The following MTMR3 variants were observed in gnomAD, a reference collection of about 807,000 sequenced individuals.
The protein encoded by MTMR3 is phosphatidylinositol-3,5-bisphosphate 3-phosphatase MTMR3.
MTMR3 carries 32 observed loss-of-function variants against 132.4 expected under a neutral mutation model. That is an observed-to-expected ratio of 0.24 (90% CI 0.18 to 0.32). The LOEUF (loss-of-function observed/expected upper bound fraction) is 0.32, where lower values mean the gene tolerates loss of function less well. MTMR3 is among the 10% of genes least tolerant of loss of function. The pLI is 1.00. For missense variants in MTMR3, 1,216 were observed against 1,489.6 expected, an observed-to-expected ratio of 0.82 and a Z score of 3.02; for synonymous variants, 556 against 550.3, an observed-to-expected ratio of 1.01 and a Z score of -0.14.
chr22:29,988,101 A>T (rs1249906740), intron 5 of MTMR3: 1 of 153,794 alleles, frequency 6.5e-6, no homozygotes, highest in African/African-American at 2.4e-5. Context: ...GCAAGAAAAG[A>T]TTACTGTTCT....
At chr22:30,021,575 T>G (rs1304150069) in intron 17 of MTMR3, 2 of 165,850 alleles carry the variant, frequency 1.2e-5, no homozygotes, top group African/African-American at 2.4e-5. Context: ...ATCCAGTGAC[T>G]TTCAGTTCAG....
intron 1 of MTMR3, among the ~76,000 whole-genome samples, chr22:29,934,302 T>G (rs1456669714): frequency 6.6e-6 from 1 of 151,916 alleles, no homozygotes; most frequent in Non-Finnish European, 1.5e-5. Flanking sequence ...TGCAGTGAGC[T>G]GAGATCGTGC....
In MTMR3 at chr22:30,020,584, T is replaced by G; in HGVS notation, c.2925T>G (p.Ser975=). 2 of 1,614,168 alleles carry G rather than the reference T, an allele frequency of 1.2e-6. No individual in the cohort carries two copies. Among genetic ancestry groups the G allele is most frequent in the Non-Finnish European group, 1.7e-6 (2 of 1,180,044 alleles). The part of the protein sequence containing the change: ...RSKDSLSRQL[S]AMSCSSAHLH... ...AGGACTCACTGAGCCGTCAGCTGTC[T>G]GCTATGAGCTGCAGCTCTGCCCACT... Residue 975 remains serine, a synonymous_variant, in exon 17 of 20, where the codon TCT becomes TCG. Coordinates refer to ENST00000401950, the MANE Select transcript of MTMR3 (RefSeq NM_021090.4).
rs138611447 is a variant in MTMR3 at position 29,957,837 on chromosome 22, T to C, written c.-85+749T>C. ...TCCAAGGTCCAAAAGTACTAAAATATCAAGAGAGCAAGAAAGAGAGACACT... is the reference window on the plus strand; with the variant it reads ...TCCAAGGTCCAAAAGTACTAAAATACCAAGAGAGCAAGAAAGAGAGACACT... On this transcript the variant is annotated intron_variant, in intron 2 of 19. Transcript: ENST00000401950. Among the ~76,000 whole-genome samples, 10 of 152,284 alleles carry C rather than the reference T, an allele frequency of 6.6e-5. No homozygotes were observed. In the East Asian group the frequency reaches 1.9e-3, roughly 29 times the overall value.
chr22:30,005,291 A>G (rs985467599), intron 9 of MTMR3: 5 of 152,184 alleles, frequency 3.3e-5, no homozygotes, highest in East Asian at 1.9e-4. Flanking sequence ...ATTATCTTTC[A>G]TGTAGTCTGA....
At chr22:30,005,317 T>A (rs944263063) in intron 9 of MTMR3, 4 of 152,248 alleles carry the variant, frequency 2.6e-5, no homozygotes, top group African/African-American at 9.6e-5. Flanking sequence ...TTTAGAAGAC[T>A]GCAGAAAACA....
At chr22:29,933,449 A>G (rs2065685549) in intron 1 of MTMR3, among the ~76,000 whole-genome samples, 1 of 152,078 alleles carries the variant, frequency 6.6e-6, no homozygotes, top group Non-Finnish European at 1.5e-5. Context: ...GTGCTATCTC[A>G]GATTTGTATA....
intron 10 of MTMR3, 148 bp from the exon 11 acceptor site, chr22:30,007,753 G>C: frequency 1.1e-6 from 1 of 946,380 alleles, no homozygotes; most frequent in Non-Finnish European, 1.5e-6. Context: ...GAAAAAAAGA[G>C]AAAAATCCTA....
intron 6 of MTMR3, chr22:29,989,880 C>G (rs958076866): frequency 6.6e-6 from 1 of 152,198 alleles, no homozygotes; most frequent in African/African-American, 2.4e-5. Flanking sequence ...CCCTGCTTCT[C>G]ATAAAAATTT....
In MTMR3 at chr22:29,937,691, G is replaced by A. The variant is rs552776721; in HGVS notation, c.-137-19345G>A. Among the ~76,000 whole-genome samples the A allele has an allele frequency of 3.9e-5, 6 of 152,238 alleles. No individual in the cohort carries two copies. In the South Asian group the frequency reaches 8.3e-4, roughly 21 times the overall value. On this transcript the variant is annotated intron_variant, in intron 1 of 19. Transcript: ENST00000401950. ...GTGTAAACACATCAAAATGCGTTTC[G>A]TAGGGAGTATATATTCAGGGCAACT...
intron 14 of MTMR3, chr22:30,016,239 C>G (rs2067587350): frequency 5.7e-6 from 2 of 353,364 alleles, no homozygotes; most frequent in Non-Finnish European, 1.0e-5. Context: ...GCACCCAGTT[C>G]ATATGCTGTG....
intron 3 of MTMR3, among the ~76,000 whole-genome samples, chr22:29,976,945 A>G (rs2066640938): frequency 3.3e-5 from 5 of 152,212 alleles, no homozygotes; most frequent in Admixed American, 2.6e-4. Flanking sequence ...ACCACTGGTT[A>G]TAATTCTTAA....
At chr22:29,938,003 A>AC (rs2065783623) in intron 1 of MTMR3, among the ~76,000 whole-genome samples, 1 of 152,214 alleles carries the variant, frequency 6.6e-6, no homozygotes, top group Non-Finnish European at 1.5e-5. Flanking sequence ...AGCTGCATAA[A>AC]CTAGGGGCTG....
intron 3 of MTMR3, 94 bp from the exon 4 acceptor site, chr22:29,978,348 C>A: frequency 2.2e-6 from 2 of 927,608 alleles, no homozygotes; most frequent in Non-Finnish European, 1.7e-6. Context: ...GGTCTTTGTA[C>A]TTTCATTGTG....
At chr22:29,915,515 G>A (rs1292531490) in intron 1 of MTMR3, among the ~76,000 whole-genome samples, 1 of 152,078 alleles carries the variant, frequency 6.6e-6, no homozygotes, top group Non-Finnish European at 1.5e-5. Flanking sequence ...TCAGCCTCCC[G>A]GGTTCAAGTG....
chr22:30,003,728 C>T (rs2145929726), intron 9 of MTMR3: 1 of 152,268 alleles, frequency 6.6e-6, no homozygotes, highest in African/African-American at 2.4e-5. Context: ...AGCTTCTGTA[C>T]CAGCATTTGG....
intron 14 of MTMR3, 198 bp downstream of exon 14, chr22:30,013,739 G>A (rs962846619): frequency 2.0e-6 from 1 of 507,648 alleles, no homozygotes; most frequent in Admixed American, 3.7e-5. Context: ...AGGTTTGCAT[G>A]AAGTCCTTGT....
chr22:29,919,830 G>GTT (rs1413595495), intron 1 of MTMR3, among the ~76,000 whole-genome samples: 1 of 152,078 alleles, frequency 6.6e-6, no homozygotes, highest in Admixed American at 6.6e-5. Context: ...ACCCAGCCTG[G>GTT]TTTTAATCTT....
chr22:29,984,500 G>A (rs1372090262), intron 5 of MTMR3: 1 of 152,150 alleles, frequency 6.6e-6, no homozygotes. Context: ...TGCTCTTCAG[G>A]GTGTTAGTGT....
Sources: allele counts gnomAD v4.1 joint callset (sites outside exome capture counted in the v4.1 genomes callset), GRCh38; gene constraint gnomAD v4.1.1; transcripts MANE v1.5; gene names NCBI Gene and HGNC (gene_info 2026-07-23, HGNC 2026-07-21).